The following CFAP20DC variants were observed in gnomAD, a reference collection of about 807,000 sequenced individuals.
CFAP20DC encodes the protein CFAP20 domain containing.
In CFAP20DC, 84 loss-of-function variants were observed where a neutral mutation model predicts 101.7. The ratio of observed to expected loss-of-function variants is 0.83; its 90% CI spans 0.69 to 0.99. The LOEUF is 0.99. Among genes scored for constraint, CFAP20DC ranks in the 50% least tolerant of loss-of-function variants. The probability of loss-of-function intolerance (pLI) is 0.00; values close to 1 mark genes in which losing one functional copy is unlikely to be tolerated. For synonymous variants in CFAP20DC, 359 were observed against 351.2 expected (o/e 1.02, Z -0.25); for missense variants, 1,007 against 970.3 (o/e 1.04, Z -0.50).
At chr3:58,786,339 A>G (rs891995889) in intron 15 of CFAP20DC, among the ~76,000 whole-genome samples, 1 of 152,130 alleles carries the variant, frequency 6.6e-6, no homozygotes, top group Admixed American at 6.6e-5. Context: ...GCTCCCATGG[A>G]GCTTACAATC....
chr3:58,985,807 A>C (rs750076222), intron 4 of CFAP20DC, among the ~76,000 whole-genome samples: 4 of 152,186 alleles, frequency 2.6e-5, no homozygotes, highest in African/African-American at 7.2e-5. Flanking sequence ...CTCTCACTGC[A>C]TTCTATTTGT....
intron 4 of CFAP20DC, among the ~76,000 whole-genome samples, chr3:59,027,532 G>C (rs1199616732): frequency 6.6e-6 from 1 of 152,044 alleles, no homozygotes; most frequent in Non-Finnish European, 1.5e-5. Context: ...GTTCACTAGA[G>C]GCACAACAGT....
In CFAP20DC at chr3:59,047,248, C is replaced by A. The variant is rs1337412490; in HGVS notation, c.28G>T (p.Ala10Ser). Residue 10 changes from alanine to serine, a missense_variant, in exon 2 of 17, where the codon GCA becomes TCA. Transcript: ENST00000482387. Reference sequence around the variant, plus strand: ...TGAGCACTGAAAATTTCAACAAATGCACCTCCCTAGAAAATGAAAATAAAA... The same window carrying A: ...TGAGCACTGAAAATTTCAACAAATGAACCTCCCTAGAAAATGAAAATAAAA... MFKNEYQGG[A>S]FVEIFSAQGK... 7 of 1,529,554 alleles carry A rather than the reference C, an allele frequency of 4.6e-6. No homozygotes were observed. Among genetic ancestry groups the A allele is most frequent in the Non-Finnish European group, 6.1e-6 (7 of 1,141,130 alleles). 94.7% of individuals were successfully genotyped at this position (1,529,554 alleles called of 1,614,324 possible). A position where few individuals can be genotyped will look rare whatever the true frequency, so the allele number is the denominator to read the frequency against.
chr3:58,961,697 T>C (rs565914566), intron 4 of CFAP20DC, among the ~76,000 whole-genome samples: 1 of 152,306 alleles, frequency 6.6e-6, no homozygotes, highest in Admixed American at 6.5e-5. Flanking sequence ...CTCAATTTCT[T>C]TACTTGTTAT....
chr3:58,812,229 C>G (rs1013951687), intron 14 of CFAP20DC, among the ~76,000 whole-genome samples: 8 of 152,092 alleles, frequency 5.3e-5, no homozygotes, highest in Admixed American at 2.0e-4. Context: ...GACTATAAAT[C>G]ATGCTGCTAT....
At position 59,003,898 on chromosome 3, in the gene CFAP20DC, T is replaced by C. The variant is rs367607361; in HGVS notation, c.278+35659A>G. 2.0e-5 allele frequency among the ~76,000 whole-genome samples: 3 copies of C among 152,338 alleles called. No individual in the cohort carries two copies. The East Asian group carries it at 5.8e-4, about 29-fold the overall frequency. ...ACTAAGGGCTCTTTTCAGACTTGCT[T>C]TTGTTTAAACTAAGTGCAGAAGGAG... On this transcript the variant is annotated intron_variant, in intron 4 of 16. Transcript: ENST00000482387.
At chr3:58,805,106 A>G (rs2073964439) in intron 15 of CFAP20DC, among the ~76,000 whole-genome samples, 1 of 152,162 alleles carries the variant, frequency 6.6e-6, no homozygotes, top group African/African-American at 2.4e-5. Context: ...TGCTGACTGG[A>G]CCAGAATGGG....
At chr3:58,954,312 C>G (rs2090431923) in intron 4 of CFAP20DC, among the ~76,000 whole-genome samples, 1 of 152,186 alleles carries the variant, frequency 6.6e-6, no homozygotes, top group African/African-American at 2.4e-5. Context: ...CATTTACAAT[C>G]ATTTGCAAAT....
At chr3:58,766,720 C>T (rs553152769) in intron 15 of CFAP20DC, among the ~76,000 whole-genome samples, 7 of 152,182 alleles carry the variant, frequency 4.6e-5, no homozygotes, top group African/African-American at 1.7e-4. Flanking sequence ...ATCACACTCC[C>T]TATGCTCTGG....
chr3:59,047,041 A>G (rs1283952825), intron 2 of CFAP20DC, 124 bp downstream of exon 2: 6 of 653,386 alleles, frequency 9.2e-6, no homozygotes, highest in Non-Finnish European at 2.6e-6. Flanking sequence ...CAACAATGTC[A>G]TGAAAGGGTT....
At chr3:58,930,919 C>A (rs1297433951) in intron 5 of CFAP20DC, among the ~76,000 whole-genome samples, 1 of 152,086 alleles carries the variant, frequency 6.6e-6, no homozygotes, top group East Asian at 1.9e-4. Flanking sequence ...ACAGTGGGCG[C>A]AGGACAGTGG....
intron 3 of CFAP20DC, among the ~76,000 whole-genome samples, chr3:58,735,710 C>CAGAT (rs2067737970): frequency 6.6e-6 from 1 of 152,056 alleles, no homozygotes; most frequent in African/African-American, 2.4e-5. Context: ...TTAGAGTCCC[C>CAGAT]AGATAATGCA....
In CFAP20DC at chr3:59,027,714, T is replaced by A. The variant is rs890653328; in HGVS notation, c.278+11843A>T. On this transcript the variant is annotated intron_variant, in intron 4 of 16. Coordinates refer to ENST00000482387, the MANE Select transcript of CFAP20DC (RefSeq NM_001394063.1). ...AAATAAGGGAAAATGAACTTCTATTTCAAGATGCAGTTGCTTCTTTTCTAA... is the reference window on the plus strand; with the variant it reads ...AAATAAGGGAAAATGAACTTCTATTACAAGATGCAGTTGCTTCTTTTCTAA... Among the ~76,000 whole-genome samples the A allele has an allele frequency of 2.0e-5, 3 of 152,324 alleles. No individual in the cohort carries two copies. In the South Asian group the frequency reaches 6.2e-4, roughly 32 times the overall value.
chr3:58,809,273 C>T (rs1173663718), intron 14 of CFAP20DC, among the ~76,000 whole-genome samples: 1 of 152,008 alleles, frequency 6.6e-6, no homozygotes, highest in East Asian at 1.9e-4. Context: ...CACACCACAC[C>T]TATTCCAAAA....
intron 7 of CFAP20DC, 84 bp downstream of exon 7, chr3:58,884,461 A>G: frequency 7.8e-7 from 1 of 1,276,168 alleles, no homozygotes; most frequent in South Asian, 1.3e-5. Flanking sequence ...AGAATGAGGT[A>G]CAGTGCCCTT....
At chr3:59,017,110 T>A (rs2093704970) in intron 4 of CFAP20DC, 1 of 152,166 alleles carries the variant, frequency 6.6e-6, no homozygotes, top group South Asian at 2.1e-4. Context: ...CCCACAGGGC[T>A]AGGTCTTCTA....
intron 5 of CFAP20DC, among the ~76,000 whole-genome samples, chr3:58,916,326 G>A (rs572605547): frequency 6.6e-6 from 1 of 151,984 alleles, no homozygotes; most frequent in South Asian, 2.1e-4. Flanking sequence ...TCTCCAGCTG[G>A]TTACACCACC....
At chr3:58,773,492 G>A (rs1389204609) in intron 15 of CFAP20DC, among the ~76,000 whole-genome samples, 2 of 152,074 alleles carry the variant, frequency 1.3e-5, no homozygotes, top group African/African-American at 2.4e-5. Context: ...GAGGGTCGAG[G>A]CTATAGTGAG....
intron 13 of CFAP20DC, among the ~76,000 whole-genome samples, chr3:58,845,804 G>C (rs949507285): frequency 5.3e-5 from 8 of 150,442 alleles, no homozygotes; most frequent in Admixed American, 5.3e-4. Flanking sequence ...ACATCAAAAA[G>C]CTTATCCACC....
Sources: allele counts gnomAD v4.1 joint callset (sites outside exome capture counted in the v4.1 genomes callset), GRCh38; gene constraint gnomAD v4.1.1; transcripts MANE v1.5; gene names NCBI Gene and HGNC (gene_info 2026-07-23, HGNC 2026-07-21).